IRX1: variants seen among roughly 807,000 people sequenced by gnomAD.
The protein encoded by IRX1 is iroquois-class homeodomain protein IRX-1.
In IRX1, 22 loss-of-function variants were observed where a neutral mutation model predicts 34.1. The observed-to-expected ratio is 0.64, with a 90% CI of 0.46 to 0.92. IRX1 has a LOEUF of 0.92. IRX1 is among the 40% of genes least tolerant of loss of function. The pLI is 0.00. For missense variants in IRX1, 758 were observed against 680.0 expected (o/e 1.11, Z -1.28); for synonymous variants, 363 against 319.0 (o/e 1.14, Z -1.47).
rs750031893 is a variant in IRX1 at position 3,599,533 on chromosome 5, G to T, written c.585G>T (p.Ala195=). The T allele has an allele frequency of 6.2e-7, 1 of 1,614,194 alleles. No individual in the cohort carries two copies. Among genetic ancestry groups the T allele is most frequent in the Non-Finnish European group, 8.5e-7 (1 of 1,180,040 alleles). The part of the protein sequence containing the change: ...LKKENKVTWG[A]RSKDQEDGAL... ...AGGAGAACAAGGTGACATGGGGAGC[G>T]CGCAGCAAGGACCAGGAAGATGGAG... is the stretch of plus-strand genomic sequence containing the variant. Residue 195 remains alanine (A), a synonymous_variant, in exon 2 of 4, where the codon GCG becomes GCT. Coordinates refer to ENST00000302006, the MANE Select transcript of IRX1 (RefSeq NM_024337.4). This position sits in a 1 kb window ranked among gnomAD's most constrained non-coding sequence, Gnocchi z 6.6.
At chr5:3,597,536 G>A (rs1476292999) in intron 1 of IRX1, among the ~76,000 whole-genome samples, 2 of 152,194 alleles carry the variant, frequency 1.3e-5, no homozygotes, top group African/African-American at 2.4e-5. Context: ...TGCCTTTCAG[G>A]TCTCTTACTA....
chr5:3,600,553 G>C, intron 2 of IRX1, 56 bp from the exon 3 acceptor site: 2 of 1,498,254 alleles, frequency 1.3e-6, no homozygotes, highest in Non-Finnish European at 1.9e-6. Context: ...AAGGAGGCCT[G>C]GGACCTCTCC....
rs781692291 is a variant in IRX1, at chr5:3,599,311, C to T, written c.363C>T (p.Gly121=). ...AHTAPAYYPY[G]QFQYGDPGRP... ...CGGCGCCGGCTTATTACCCCTACGG[C>T]CAGTTCCAATACGGGGACCCCGGGC... Residue 121 remains glycine (G), a synonymous_variant, in exon 2 of 4, where the codon GGC becomes GGT. Transcript: ENST00000302006. The surrounding 1 kb of genome is among the most constrained non-coding windows in gnomAD (Gnocchi z 6.6). 4 of 1,614,084 alleles carry T rather than the reference C, an allele frequency of 2.5e-6. No individual in the cohort carries two copies. The South Asian group carries it at 4.4e-5, about 18-fold the overall frequency.
intron 1 of IRX1, 94 bp downstream of exon 1, chr5:3,596,475 C>T (rs1210847758): frequency 1.6e-6 from 2 of 1,235,822 alleles, no homozygotes; most frequent in Non-Finnish European, 1.0e-6. Context: ...TACGGGTGGA[C>T]CTGGTCCGGA....
At chr5:3,600,924 C>G in intron 3 of IRX1, 59 bp from the exon 4 acceptor site, 2 of 1,549,136 alleles carry the variant, frequency 1.3e-6, no homozygotes, top group Admixed American at 1.7e-5. Context: ...CGTCGCCCGG[C>G]GCTGCGTCCC....
At position 3,596,335 on chromosome 5, in the gene IRX1, G is replaced by A. The variant is rs768321658; in HGVS notation, c.230G>A (p.Ser77Asn). The stretch of plus-strand genomic sequence containing the variant: ...CCGTACGCGGGCGCGCCCAACTACA[G>A]CGCCTTCCTGCCCTACGCCGCGGAT... ...AGPYAGAPNY[S>N]AFLPYAADLS... Residue 77 changes from serine (S) to asparagine (N), a missense_variant, in exon 1 of 4, where the codon AGC (serine) becomes AAC (asparagine). Ser to Asn is a conservative substitution (Grantham distance 46, BLOSUM62 1). Transcript: ENST00000302006. 1.2e-5 allele frequency: 18 copies of A among 1,529,688 alleles called. No homozygotes were observed. In the Admixed American group the frequency reaches 2.0e-4, roughly 17 times the overall value. The allele number at this position is 1,529,688 out of a possible 1,614,324, so 94.8% of individuals were successfully genotyped here.
chr5:3,600,412 A>C (rs947398615), intron 2 of IRX1, 152 bp downstream of exon 2: 27 of 958,886 alleles, frequency 2.8e-5, no homozygotes, highest in Non-Finnish European at 3.3e-5. Context: ...TCAATTTAGA[A>C]AGCCAGACAA....
At chr5:3,600,732 G>C (rs935973026) in intron 3 of IRX1, 51 bp downstream of exon 3, 4 of 1,492,864 alleles carry the variant, frequency 2.7e-6, no homozygotes, top group Non-Finnish European at 3.7e-6. Context: ...GAGGGGGGAG[G>C]AGGAGTGGTC....
Position 3,599,797 on chromosome 5 carries a change from C to A in IRX1, c.849C>A (p.Gly283=). 2 of 1,597,152 alleles carry A rather than the reference C, an allele frequency of 1.3e-6. No individual in the cohort carries two copies. Among genetic ancestry groups the A allele is most frequent in the Non-Finnish European group, 1.7e-6 (2 of 1,173,034 alleles). The change falls in exon 2 of 4, where the codon GGC becomes GGA. Residue 283 remains glycine, a synonymous_variant. Transcript: ENST00000302006. The surrounding 1 kb of genome is among the most constrained non-coding windows in gnomAD (Gnocchi z 6.6). ...TCAAGCCCCAGGACTCGCCCTTGGGCCTGGCAAAGGAGGCCCCAGAGCCGG... is the reference window on the plus strand; with the variant it reads ...TCAAGCCCCAGGACTCGCCCTTGGGACTGGCAAAGGAGGCCCCAGAGCCGG... The part of the protein sequence containing the change: ...DVLKPQDSPL[G]LAKEAPEPGS...
chr5:3,600,977 A>G lies in IRX1; in HGVS notation c.1386-6A>G. Reference sequence around the variant, plus strand: ...GTCTTCTTGTCTCGCTGTGTTTCCCATGCAGCTCTCTGGCCCCGCAGGAGG... The same window carrying G: ...GTCTTCTTGTCTCGCTGTGTTTCCCGTGCAGCTCTCTGGCCCCGCAGGAGG... On this transcript the variant is annotated splice_polypyrimidine_tract_variant and splice_region_variant and intron_variant, in intron 3 of 3. Coordinates refer to ENST00000302006, the MANE Select transcript of IRX1 (RefSeq NM_024337.4). 1 of 1,610,414 alleles carries G rather than the reference A, an allele frequency of 6.2e-7. No homozygotes were observed. The highest frequency in any genetic ancestry group is 8.5e-7 in the Non-Finnish European group (1 of 1,178,326).
At chr5:3,597,383 G>A (rs1226602119) in intron 1 of IRX1, among the ~76,000 whole-genome samples, 1 of 152,160 alleles carries the variant, frequency 6.6e-6, no homozygotes, top group Non-Finnish European at 1.5e-5. Flanking sequence ...CGCTGCCCGC[G>A]GGATAAAGCA....
Position 3,596,198 on chromosome 5 carries a change from C to T in IRX1, c.93C>T (p.Ala31=). 2 of 1,039,152 alleles carry T rather than the reference C, an allele frequency of 1.9e-6. No individual in the cohort carries two copies. Among genetic ancestry groups the T allele is most frequent in the Non-Finnish European group, 1.2e-6 (1 of 866,756 alleles). The allele number at this position is 1,039,152 out of a possible 1,614,324, so 64.4% of individuals were successfully genotyped here. The change falls in exon 1 of 4, where the codon GCC becomes GCT. Residue 31 remains alanine (A), a synonymous_variant. Transcript: ENST00000302006. ...GGERPGVLAA[A]AAAAAAASSG... ...AGCGCCCGGGGGTGCTGGCCGCGGC[C>T]GCTGCGGCGGCTGCCGCCGCCTCGT...
intron 1 of IRX1, among the ~76,000 whole-genome samples, chr5:3,598,686 G>A (rs1313807188): frequency 6.6e-6 from 1 of 152,220 alleles, no homozygotes; most frequent in South Asian, 2.1e-4. Flanking sequence ...GATTTAGACC[G>A]GTAGAAAACC....
chr5:3,598,232 A>C (rs549467918), intron 1 of IRX1, among the ~76,000 whole-genome samples: 1 of 152,334 alleles, frequency 6.6e-6, no homozygotes, highest in East Asian at 1.9e-4. Flanking sequence ...ATGAGGCCTA[A>C]TGAGGTTGTT....
intron 2 of IRX1, 111 bp from the exon 3 acceptor site, chr5:3,600,498 C>T (rs1015291748): frequency 4.9e-5 from 50 of 1,028,950 alleles, no homozygotes; most frequent in African/African-American, 8.0e-5. Flanking sequence ...TGAGGGGTGA[C>T]GTTTTTCGGC....
Position 3,601,186 on chromosome 5 carries a change from G to C in IRX1, c.*146G>C. 1 of 779,546 alleles carries C rather than the reference G, an allele frequency of 1.3e-6. No homozygotes were observed. Among genetic ancestry groups the C allele is most frequent in the Admixed American group, 2.2e-5 (1 of 46,508 alleles). 48.3% of individuals were successfully genotyped at this position (779,546 alleles called of 1,614,324 possible). On this transcript the variant is annotated 3_prime_UTR_variant, in exon 4 of 4. Coordinates refer to ENST00000302006, the MANE Select transcript of IRX1 (RefSeq NM_024337.4). The stretch of plus-strand genomic sequence containing the variant: ...CAAGGACTCGCATCCGTCGCTTTCT[G>C]CAGAAAGGGGCTTCTTCGGTCCCGA...
intron 1 of IRX1, among the ~76,000 whole-genome samples, chr5:3,597,808 A>G (rs1421002726): frequency 1.3e-5 from 2 of 152,212 alleles, no homozygotes; most frequent in African/African-American, 4.8e-5. Flanking sequence ...GGTCTTTACA[A>G]CTTTCTCAGA....
At chr5:3,598,933 G>C (rs1733867736) in intron 1 of IRX1, among the ~76,000 whole-genome samples, 1 of 152,178 alleles carries the variant, frequency 6.6e-6, no homozygotes, top group Non-Finnish European at 1.5e-5. Flanking sequence ...AGAGTGCACT[G>C]TTTGTGGAAC....
rs1421106365 is a variant in IRX1, at chr5:3,600,984, T to C, written c.1387T>C (p.Ser463Pro). The C allele has an allele frequency of 7.4e-6, 12 of 1,612,550 alleles. No individual in the cohort carries two copies. In the Middle Eastern group the frequency reaches 9.9e-4, roughly 133 times the overall value. The change falls in exon 4 of 4, where the codon TCT becomes CCT. Residue 463 changes from serine (S) to proline (P), a missense_variant and splice_region_variant. Around this residue, in one of 3 missense-constraint regions of IRX1, gnomAD observed 529 missense variants for 418.8 expected, o/e 1.26. Coordinates refer to ENST00000302006, the MANE Select transcript of IRX1 (RefSeq NM_024337.4). ...TGTCTCGCTGTGTTTCCCATGCAGC[T>C]CTCTGGCCCCGCAGGAGGGAACGCC... ...KSPFQPVRDN[S>P]LAPQEGTPRI...
Sources: allele counts gnomAD v4.1 joint callset (sites outside exome capture counted in the v4.1 genomes callset), GRCh38; gene constraint gnomAD v4.1.1; regional missense constraint gnomAD v4.1.1; non-coding constraint Gnocchi (gnomAD v3.1); transcripts MANE v1.5; gene names NCBI Gene and HGNC (gene_info 2026-07-23, HGNC 2026-07-21).